Variants in TSPAN9 observed in about 807,000 individuals in gnomAD.
TSPAN9 encodes tetraspanin 9.
In TSPAN9, 16 loss-of-function variants were observed where a neutral mutation model predicts 31.0. The observed-to-expected ratio is 0.52, with a 90% confidence interval of 0.35 to 0.78. TSPAN9 has a LOEUF of 0.78. TSPAN9 is among the 30% of genes least tolerant of loss of function. TSPAN9 has a pLI of 0.01. For synonymous variants in TSPAN9, 145 were observed against 121.6 expected, an observed-to-expected ratio of 1.19 and a Z score of -1.27; for missense variants, 272 against 312.5, an observed-to-expected ratio of 0.87 and a Z score of 0.98.
At chr12:3,167,016 C>A (rs141738074) in intron 2 of TSPAN9, among the ~76,000 whole-genome samples, 1 of 152,058 alleles carries the variant, frequency 6.6e-6, no homozygotes, top group Non-Finnish European at 1.5e-5. Context: ...AGGCTGGTCT[C>A]GGACTCCTGA....
At chr12:3,137,570 C>T (rs2098332692) in intron 2 of TSPAN9, among the ~76,000 whole-genome samples, 2 of 152,162 alleles carry the variant, frequency 1.3e-5, no homozygotes, top group South Asian at 4.1e-4. Context: ...GGTTGCAGTT[C>T]AAAGGCTTCT....
At chr12:3,258,019 C>G (rs1862381721) in intron 3 of TSPAN9, among the ~76,000 whole-genome samples, 2 of 152,162 alleles carry the variant, frequency 1.3e-5, no homozygotes, top group Admixed American at 1.3e-4. Flanking sequence ...CACAATGGGG[C>G]TCCCTGGGAG....
At chr12:3,244,723 C>G (rs946959023) in intron 3 of TSPAN9, among the ~76,000 whole-genome samples, 1 of 152,124 alleles carries the variant, frequency 6.6e-6, no homozygotes, top group Non-Finnish European at 1.5e-5. Context: ...GTGTGAGACC[C>G]GGGTAATGGG....
In TSPAN9 at chr12:3,284,560, C is replaced by G. The variant is rs552581534; in HGVS notation, c.*1444C>G. On this transcript the variant is annotated 3_prime_UTR_variant, in exon 9 of 9. Coordinates refer to ENST00000011898, the MANE Select transcript of TSPAN9 (RefSeq NM_006675.5). ...ACCGGAGCCACGGGAAGAAAGCAGC[C>G]GGAGTCACGCACGTGCAGAGCTGGG... 6.5e-6 allele frequency: 1 copy of G among 153,004 alleles called. No homozygotes were observed. Among genetic ancestry groups the G allele is most frequent in the African/African-American group, 2.4e-5 (1 of 41,444 alleles). The allele number at this position is 153,004 out of a possible 1,614,324, so 9.5% of individuals were successfully genotyped here. A position where few individuals can be genotyped will look rare whatever the true frequency, so the allele number is the denominator to read the frequency against.
intron 1 of TSPAN9, among the ~76,000 whole-genome samples, chr12:3,080,934 C>G (rs2098297523): frequency 6.6e-6 from 1 of 152,166 alleles, no homozygotes; most frequent in Admixed American, 6.5e-5. Context: ...CCTGGGGTGG[C>G]TGGAGGGAGT....
intron 2 of TSPAN9, among the ~76,000 whole-genome samples, chr12:3,092,615 G>A (rs2098305394): frequency 6.6e-6 from 1 of 152,202 alleles, no homozygotes; most frequent in South Asian, 2.1e-4. Context: ...CCTTGACTCA[G>A]CAGGGAGCTC....
intron 3 of TSPAN9, among the ~76,000 whole-genome samples, chr12:3,256,542 CGA>C (rs1862349005): frequency 6.6e-6 from 1 of 152,152 alleles, no homozygotes; most frequent in African/African-American, 2.4e-5. Context: ...GCGTAATCGT[CGA>C]TTTCGGGAGC....
At chr12:3,248,225 C>T (rs1366062294) in intron 3 of TSPAN9, among the ~76,000 whole-genome samples, 2 of 152,114 alleles carry the variant, frequency 1.3e-5, no homozygotes, top group African/African-American at 2.4e-5. Flanking sequence ...GTGCTGTGGC[C>T]CCCCTAGGCA....
chr12:3,120,078 C>G (rs2159414), intron 2 of TSPAN9, among the ~76,000 whole-genome samples: 174 of 152,314 alleles, frequency 1.1e-3, no homozygotes, highest in African/African-American at 4.0e-3. Context: ...AAATTCATTG[C>G]CCACTCGTTC....
intron 2 of TSPAN9, among the ~76,000 whole-genome samples, chr12:3,106,426 A>G (rs753956179): frequency 1.8e-4 from 28 of 152,234 alleles, no homozygotes; most frequent in Non-Finnish European, 3.4e-4. Context: ...TGTAAAATGT[A>G]AAGTTAACAA....
chr12:3,171,225 T>C (rs1326125359), intron 2 of TSPAN9, among the ~76,000 whole-genome samples: 1 of 152,176 alleles, frequency 6.6e-6, no homozygotes, highest in Admixed American at 6.5e-5. Context: ...ATGATATATA[T>C]ATTCTTTTTT....
chr12:3,198,169 GCACAGCT>G (rs1228766468), intron 2 of TSPAN9, among the ~76,000 whole-genome samples: 8 of 68,792 alleles, frequency 1.2e-4, no homozygotes, highest in East Asian at 8.8e-4. Context: ...GCCACCACCA[GCACAGCT>G]CACCACCAGC....
At chr12:3,169,869 A>T (rs1178968620) in intron 2 of TSPAN9, among the ~76,000 whole-genome samples, 2 of 152,136 alleles carry the variant, frequency 1.3e-5, no homozygotes, top group African/African-American at 4.8e-5. Flanking sequence ...GGGTACAGAG[A>T]AGCTTAGAGG....
rs2098307833 is a variant in TSPAN9, at chr12:3,095,552, C to T, written c.-18+11833C>T. 4.7e-5 allele frequency among the ~76,000 whole-genome samples: 6 copies of T among 127,476 alleles called. No individual in the cohort carries two copies. In the South Asian group the frequency reaches 1.5e-3, roughly 31 times the overall value. The allele number at this position is 127,476 out of a possible 152,430, so 83.6% of individuals were successfully genotyped here. On this transcript the variant is annotated intron_variant, in intron 2 of 8. Coordinates refer to ENST00000011898, the MANE Select transcript of TSPAN9 (RefSeq NM_006675.5). Reference sequence around the variant, plus strand: ...CGGGGCGGCTGGCCGGGCAGAGGGGCTCCTCACTTCCCAGTAGGGGCGGCC... The same window carrying T: ...CGGGGCGGCTGGCCGGGCAGAGGGGTTCCTCACTTCCCAGTAGGGGCGGCC...
At chr12:3,256,474 C>T (rs1219299670) in intron 3 of TSPAN9, among the ~76,000 whole-genome samples, 8 of 152,214 alleles carry the variant, frequency 5.3e-5, no homozygotes, top group Non-Finnish European at 1.2e-4. Flanking sequence ...CTGGTTCCCC[C>T]CAGAAGGCGA....
At chr12:3,184,058 A>G (rs1208843713) in intron 2 of TSPAN9, among the ~76,000 whole-genome samples, 2 of 152,126 alleles carry the variant, frequency 1.3e-5, no homozygotes, top group Non-Finnish European at 1.5e-5. Flanking sequence ...AAGTAGACCA[A>G]ATGATCTCTG....
intron 2 of TSPAN9, among the ~76,000 whole-genome samples, chr12:3,141,135 C>T (rs1171423900): frequency 6.6e-6 from 1 of 151,984 alleles, no homozygotes; most frequent in Non-Finnish European, 1.5e-5. Flanking sequence ...TTTGCCTTTC[C>T]CAGGGTTAGC....
At chr12:3,276,468 G>A (rs562089299) in intron 3 of TSPAN9, among the ~76,000 whole-genome samples, 58 of 152,280 alleles carry the variant, frequency 3.8e-4, no homozygotes, top group African/African-American at 1.2e-3. Flanking sequence ...TCCTTGGCTG[G>A]CCAGGCTCCT....
At chr12:3,244,470 C>T (rs7959621) in intron 3 of TSPAN9, among the ~76,000 whole-genome samples, 53,688 of 152,112 alleles carry the variant, frequency 0.35, 9,879 homozygotes, top group African/African-American at 0.4. Flanking sequence ...GTCCCAGCCC[C>T]CTGCAGATGG....
Sources: gnomAD v4.1 joint callset for allele counts (sites outside exome capture counted in the v4.1 genomes callset) on GRCh38, gnomAD v4.1.1 for gene constraint, MANE v1.5 for transcripts, NCBI Gene and HGNC (gene_info 2026-07-23, HGNC 2026-07-21) for gene names.